Variants in IL21R observed in about 807,000 individuals in gnomAD.
IL21R encodes interleukin-21 receptor.
IL21R carries 14 observed loss-of-function variants against 41.3 expected under a neutral mutation model. The ratio of observed to expected loss-of-function variants is 0.34; its 90% CI spans 0.22 to 0.53. The LOEUF (loss-of-function observed/expected upper bound fraction) is 0.53. Ranked by LOEUF, IL21R falls within the 20% of genes least tolerant of loss-of-function variation. IL21R has a pLI of 0.94. For synonymous variants in IL21R, 286 were observed against 287.6 expected (o/e 0.99, Z 0.05); for missense variants, 588 against 681.6 (o/e 0.86, Z 1.53).
chr16:27,422,657 G>T (rs1383513813), intron 1 of IL21R, among the ~76,000 whole-genome samples: 1 of 152,128 alleles, frequency 6.6e-6, no homozygotes, highest in East Asian at 1.9e-4. Flanking sequence ...ATTTCTGATA[G>T]AATTTTTGAA....
intron 3 of IL21R, among the ~76,000 whole-genome samples, chr16:27,437,255 C>A (rs1279016687): frequency 6.6e-6 from 1 of 152,142 alleles, no homozygotes; most frequent in African/African-American, 2.4e-5. Context: ...GAGTTCCTGG[C>A]CCCTGGGAGG....
intron 1 of IL21R, among the ~76,000 whole-genome samples, chr16:27,417,136 C>G (rs949606259): frequency 6.9e-6 from 1 of 144,732 alleles, no homozygotes; most frequent in Non-Finnish European, 1.5e-5. Flanking sequence ...CAATTGTTTT[C>G]TTTCCTTTTT....
intron 3 of IL21R, among the ~76,000 whole-genome samples, chr16:27,434,776 C>T (rs1431311427): frequency 6.6e-6 from 1 of 152,150 alleles, no homozygotes; most frequent in African/African-American, 2.4e-5. Flanking sequence ...AATGATTACT[C>T]CCATTTTACA....
intron 2 of IL21R, among the ~76,000 whole-genome samples, chr16:27,430,793 AC>A (rs1190466121): frequency 6.6e-6 from 1 of 152,234 alleles, no homozygotes; most frequent in Non-Finnish European, 1.5e-5. Context: ...AGCCTGGGCA[AC>A]AGAGCGAGAC....
chr16:27,435,793 G>T (rs1362116418), intron 3 of IL21R, among the ~76,000 whole-genome samples: 1 of 151,506 alleles, frequency 6.6e-6, no homozygotes, highest in East Asian at 2.0e-4. Context: ...TTTGGAGACG[G>T]AGTCTCACTC....
At chr16:27,412,468 T>C (rs1380580304) in intron 1 of IL21R, among the ~76,000 whole-genome samples, 1 of 151,964 alleles carries the variant, frequency 6.6e-6, no homozygotes. Flanking sequence ...TTTGGCTATT[T>C]AGGGTCCCTT....
intron 1 of IL21R, among the ~76,000 whole-genome samples, chr16:27,417,799 C>T (rs559577741): frequency 6.6e-6 from 1 of 152,056 alleles, no homozygotes; most frequent in South Asian, 2.1e-4. Flanking sequence ...AAACGGCACA[C>T]CTGTGTAGGG....
intron 1 of IL21R, among the ~76,000 whole-genome samples, chr16:27,422,286 G>A (rs1336886929): frequency 6.6e-6 from 1 of 151,884 alleles, no homozygotes; most frequent in Non-Finnish European, 1.5e-5. Flanking sequence ...TATCCTATTT[G>A]TGGTTTGTAG....
chr16:27,440,244 TATATAGAGAGAGAG>T (rs1407268154), intron 4 of IL21R, among the ~76,000 whole-genome samples: 2 of 82,592 alleles, frequency 2.4e-5, no homozygotes, highest in Non-Finnish European at 4.5e-5. Flanking sequence ...TATATATATA[TATATAGAGAGAGAG>T]AGAGAGAGAG....
At chr16:27,419,087 C>T (rs760216425) in intron 1 of IL21R, among the ~76,000 whole-genome samples, 9 of 151,896 alleles carry the variant, frequency 5.9e-5, no homozygotes, top group South Asian at 2.1e-4. Flanking sequence ...TGGTGGCGGG[C>T]GCCTGTAATC....
chr16:27,431,120 G>A (rs1014665752), intron 2 of IL21R, among the ~76,000 whole-genome samples: 4 of 152,236 alleles, frequency 2.6e-5, no homozygotes, highest in African/African-American at 9.6e-5. Context: ...CCTAGGGGCA[G>A]GGGAGGAACT....
rs2087601590 is a variant in IL21R, at chr16:27,451,696, G to C, written c.*2413G>C. ...ATTACACCGTTGCACTCCAGCCTGG[G>C]TCACAGATCAAGACCCTGTCTCTTA... On this transcript the variant is annotated 3_prime_UTR_variant, in exon 9 of 9. Coordinates refer to ENST00000337929, the MANE Select transcript of IL21R (RefSeq NM_181078.3). 2 of 226,840 alleles carry C rather than the reference G, an allele frequency of 8.8e-6. No homozygotes were observed. Among genetic ancestry groups the C allele is most frequent in the Non-Finnish European group, 1.8e-5 (2 of 114,024 alleles). The allele number at this position is 226,840 out of a possible 1,614,324, so 14.1% of individuals were successfully genotyped here.
intron 2 of IL21R, among the ~76,000 whole-genome samples, chr16:27,433,734 C>T (rs925371792): frequency 4.6e-5 from 7 of 152,032 alleles, no homozygotes; most frequent in East Asian, 1.9e-4. Context: ...CATTTTTGGC[C>T]GCAGGATCAC....
At chr16:27,404,438 G>A (rs2086707079) in intron 1 of IL21R, among the ~76,000 whole-genome samples, 1 of 152,186 alleles carries the variant, frequency 6.6e-6, no homozygotes, top group Non-Finnish European at 1.5e-5. Context: ...AGAGTAGGGG[G>A]TGGATACCAG....
chr16:27,448,371 C>CT (rs2087522032), intron 8 of IL21R, 163 bp from the exon 9 acceptor site: 1 of 717,638 alleles, frequency 1.4e-6, no homozygotes, highest in Non-Finnish European at 2.2e-6. Context: ...AGGAGAATCA[C>CT]TTGATCCTGG....
intron 1 of IL21R, among the ~76,000 whole-genome samples, chr16:27,415,753 A>C (rs2086887009): frequency 6.6e-6 from 1 of 152,210 alleles, no homozygotes; most frequent in Non-Finnish European, 1.5e-5. Flanking sequence ...AATCTTAAGC[A>C]ATCTTTAACG....
At chr16:27,427,520 C>T (rs988488961) in intron 1 of IL21R, among the ~76,000 whole-genome samples, 27 of 152,068 alleles carry the variant, frequency 1.8e-4, no homozygotes, top group Non-Finnish European at 2.4e-4. Flanking sequence ...CTCAGTCTCC[C>T]GAATAGCTGG....
At chr16:27,423,459 A>G (rs2087028248) in intron 1 of IL21R, among the ~76,000 whole-genome samples, 1 of 152,226 alleles carries the variant, frequency 6.6e-6, no homozygotes, top group African/African-American at 2.4e-5. Flanking sequence ...GAGACCCTTG[A>G]ACATTCCTCC....
At chr16:27,412,605 G>T in intron 1 of IL21R, among the ~76,000 whole-genome samples, 1 of 152,010 alleles carries the variant, frequency 6.6e-6, no homozygotes, top group Non-Finnish European at 1.5e-5. Flanking sequence ...ACAATATTAA[G>T]TCTTCCAATC....
Sources: gnomAD v4.1 joint callset for allele counts (sites outside exome capture counted in the v4.1 genomes callset) on GRCh38, gnomAD v4.1.1 for gene constraint, MANE v1.5 for transcripts, NCBI Gene and HGNC (gene_info 2026-07-23, HGNC 2026-07-21) for gene names.